Variants in SCLT1 observed in about 807,000 individuals in gnomAD.
SCLT1 encodes sodium channel-associated protein 1.
In SCLT1, 78 loss-of-function variants were observed where a neutral mutation model predicts 112.8. The ratio of observed to expected loss-of-function variants is 0.69; its 90% CI spans 0.58 to 0.83. The LOEUF is 0.83. SCLT1 is among the 40% of genes least tolerant of loss of function. The pLI is 0.00. For synonymous variants in SCLT1, 257 were observed against 254.7 expected (o/e 1.01, Z -0.09); for missense variants, 747 against 770.4 (o/e 0.97, Z 0.36).
intron 18 of SCLT1, among the ~76,000 whole-genome samples, chr4:128,924,607 A>T (rs964482974): frequency 1.3e-5 from 2 of 152,024 alleles, no homozygotes; most frequent in African/African-American, 2.4e-5. Context: ...ACTTTATCAA[A>T]TTTTTTGTAC....
At chr4:129,014,891 T>C (rs970241798) in intron 5 of SCLT1, among the ~76,000 whole-genome samples, 2 of 152,102 alleles carry the variant, frequency 1.3e-5, no homozygotes, top group Non-Finnish European at 2.9e-5. Flanking sequence ...GCAACTCATC[T>C]GGGATGGGTG....
intron 5 of SCLT1, among the ~76,000 whole-genome samples, chr4:129,034,017 CAG>C (rs1193097516): frequency 1.3e-5 from 2 of 152,116 alleles, no homozygotes; most frequent in East Asian, 1.9e-4. Context: ...GTAGCACCAG[CAG>C]AGTGGTGTTG....
chr4:129,044,696 C>T (rs769688850), intron 2 of SCLT1, among the ~76,000 whole-genome samples: 5 of 151,760 alleles, frequency 3.3e-5, no homozygotes, highest in African/African-American at 4.8e-5. Flanking sequence ...AGAATGTCAG[C>T]TCTCTAAAAT....
At chr4:128,975,467 T>A (rs1006195877) in intron 9 of SCLT1, among the ~76,000 whole-genome samples, 20 of 152,186 alleles carry the variant, frequency 1.3e-4, no homozygotes, top group African/African-American at 4.6e-4. Context: ...TAATTATCAA[T>A]ACACTTTTTT....
chr4:128,956,130 A>T (rs1421971784), intron 13 of SCLT1, among the ~76,000 whole-genome samples: 1 of 152,238 alleles, frequency 6.6e-6, no homozygotes, highest in African/African-American at 2.4e-5. Context: ...GGAATGAATG[A>T]GATCACAATG....
Position 129,003,864 on chromosome 4 carries a change from T to C in SCLT1, c.303A>G (p.Glu101=). ...VIKENERLHS[E]LKDAVEKKLE... ...ATTTTTTTTCAACAGCATCTTTTAA[T>C]TCACTGTGCAACCTTTGAAACAAAT... Residue 101 remains glutamate, a synonymous_variant, in exon 6 of 21, where the codon GAA becomes GAG. Coordinates refer to ENST00000281142, the MANE Select transcript of SCLT1 (RefSeq NM_144643.4). 1 of 1,612,170 alleles carries C rather than the reference T, an allele frequency of 6.2e-7. No homozygotes were observed. Among genetic ancestry groups the C allele is most frequent in the Non-Finnish European group, 8.5e-7 (1 of 1,179,128 alleles).
chr4:129,084,823 A>C (rs1022947602), intron 1 of SCLT1, among the ~76,000 whole-genome samples: 1 of 152,218 alleles, frequency 6.6e-6, no homozygotes, highest in African/African-American at 2.4e-5. Flanking sequence ...GCCATATGAA[A>C]AAAGACTGAA....
chr4:129,018,921 A>T (rs574198134), intron 5 of SCLT1, among the ~76,000 whole-genome samples: 2 of 152,268 alleles, frequency 1.3e-5, no homozygotes, highest in South Asian at 2.1e-4. Context: ...TGGAGAAAAG[A>T]CATTTCTGAT....
chr4:128,948,335 C>CAAAAAAAAAAAAA (rs11312069), intron 15 of SCLT1, among the ~76,000 whole-genome samples, 161 bp downstream of exon 15: 1 of 47,962 alleles, frequency 2.1e-5, no homozygotes, highest in African/African-American at 7.1e-5. Flanking sequence ...GACTCCATTG[C>CAAAAAAAAAAAAA]AAAAAAAAAA....
chr4:128,929,769 T>C (rs76813189), intron 18 of SCLT1, among the ~76,000 whole-genome samples: 5,862 of 152,284 alleles, frequency 0.038, 356 homozygotes, highest in African/African-American at 0.13. Context: ...CATTAAATGT[T>C]TCAGGGATGA....
chr4:128,954,053 C>T (rs897042458), intron 13 of SCLT1, among the ~76,000 whole-genome samples: 2 of 152,042 alleles, frequency 1.3e-5, no homozygotes, highest in African/African-American at 2.4e-5. Flanking sequence ...ATCAGGATTT[C>T]GCTATGACAA....
chr4:128,889,066 G>C (rs772714038), intron 19 of SCLT1, among the ~76,000 whole-genome samples: 1 of 152,216 alleles, frequency 6.6e-6, no homozygotes, highest in Non-Finnish European at 1.5e-5. Flanking sequence ...CACTGCTTCA[G>C]AATCACCTGG....
At chr4:129,059,956 C>G (rs1749801788) in intron 2 of SCLT1, among the ~76,000 whole-genome samples, 1 of 152,124 alleles carries the variant, frequency 6.6e-6, no homozygotes, top group Admixed American at 6.5e-5. Context: ...TTTCCCTTCT[C>G]TTCTCCTTCT....
At chr4:129,079,647 C>T (rs1483769388) in intron 2 of SCLT1, among the ~76,000 whole-genome samples, 3 of 152,314 alleles carry the variant, frequency 2.0e-5, no homozygotes, top group South Asian at 2.1e-4. Context: ...TTTCCAGGCA[C>T]ATAGTGCAAG....
At chr4:128,961,716 A>C (rs1739749732) in intron 11 of SCLT1, among the ~76,000 whole-genome samples, 1 of 152,130 alleles carries the variant, frequency 6.6e-6, no homozygotes, top group African/African-American at 2.4e-5. Flanking sequence ...TATTTCCCCC[A>C]AAGGTTTACT....
chr4:129,006,978 A>G (rs1237877685), intron 5 of SCLT1, among the ~76,000 whole-genome samples: 2 of 152,220 alleles, frequency 1.3e-5, no homozygotes, highest in Non-Finnish European at 2.9e-5. Flanking sequence ...ATATTTTCTA[A>G]CTTCCATTGT....
At chr4:128,969,389 G>A (rs978072221) in intron 10 of SCLT1, among the ~76,000 whole-genome samples, 13 of 151,954 alleles carry the variant, frequency 8.6e-5, no homozygotes, top group Admixed American at 3.9e-4. Flanking sequence ...TGGCTAACAC[G>A]GTGAAACCCT....
chr4:129,000,685 A>T (rs1173518874), intron 6 of SCLT1, among the ~76,000 whole-genome samples: 1 of 151,964 alleles, frequency 6.6e-6, no homozygotes, highest in African/African-American at 2.4e-5. Flanking sequence ...AATACAATAA[A>T]TACTGATAGA....
intron 18 of SCLT1, among the ~76,000 whole-genome samples, chr4:128,905,214 CA>C: frequency 6.6e-6 from 1 of 152,184 alleles, no homozygotes; most frequent in East Asian, 1.9e-4. Context: ...CCTGGCTGCT[CA>C]AGTCAAAAGC....
Sources: allele counts gnomAD v4.1 joint callset (sites outside exome capture counted in the v4.1 genomes callset), GRCh38; gene constraint gnomAD v4.1.1; transcripts MANE v1.5; gene names NCBI Gene and HGNC (gene_info 2026-07-23, HGNC 2026-07-21).